BMS1: variants seen among roughly 807,000 people sequenced by gnomAD.
BMS1 encodes BMS1 ribosome biogenesis factor, also known as ribosome biogenesis protein BMS1 homolog.
A neutral mutation model predicts 138.7 loss-of-function variants in BMS1; 53 were observed. That is an observed-to-expected ratio of 0.38 (90% CI 0.31 to 0.48). The LOEUF (loss-of-function observed/expected upper bound fraction) is 0.48, where lower values mean the gene tolerates loss of function less well. BMS1 is among the 20% of genes least tolerant of loss of function. The pLI is 0.97. For missense variants in BMS1, 1,360 were observed against 1,565.5 expected (o/e 0.87, Z 2.22); for synonymous variants, 504 against 539.9 (o/e 0.93, Z 0.92).
intron 22 of BMS1, among the ~76,000 whole-genome samples, 190 bp downstream of exon 22, chr10:42,830,612 C>A (rs938257018): frequency 2.0e-5 from 3 of 151,996 alleles, no homozygotes; most frequent in African/African-American, 7.3e-5. Flanking sequence ...TGGGGGATAA[C>A]AGGTACATGG....
At chr10:42,812,010 G>C (rs1842199097) in intron 13 of BMS1, among the ~76,000 whole-genome samples, 1 of 152,132 alleles carries the variant, frequency 6.6e-6, no homozygotes, top group South Asian at 2.1e-4. Context: ...TAGATTTGCT[G>C]TGATTTCTTT....
chr10:42,786,489 G>A (rs1214883452), intron 3 of BMS1, among the ~76,000 whole-genome samples: 4 of 151,996 alleles, frequency 2.6e-5, no homozygotes, highest in African/African-American at 7.3e-5. Flanking sequence ...GTGTGATTAC[G>A]GCTCACTGCA....
At position 42,791,635 on chromosome 10, in the gene BMS1, GCTGT is replaced by G; in HGVS notation, c.646_649del (p.Leu216SerfsTer26). On this transcript the variant is annotated frameshift_variant, in exon 6 of 23. Transcript: ENST00000374518. LOFTEE classifies it high-confidence loss of function. ...TTTCCTCTAATGTTTAGGGTGCCAA[GCTGT>G]TCTACCTTTCTGGAATGGTGCATGG... The G allele has an allele frequency of 6.2e-7, 1 of 1,604,140 alleles. No individual in the cohort carries two copies.
chr10:42,783,852 A>G (rs1339498200), intron 1 of BMS1, among the ~76,000 whole-genome samples: 1 of 152,202 alleles, frequency 6.6e-6, no homozygotes, highest in Non-Finnish European at 1.5e-5. Context: ...GTTCATAAAA[A>G]CGTTTCACAT....
chr10:42,783,318 C>T (rs1047523482), intron 1 of BMS1, among the ~76,000 whole-genome samples: 2 of 152,144 alleles, frequency 1.3e-5, no homozygotes, highest in Admixed American at 1.3e-4. Context: ...ACTTTGTTTC[C>T]GCTGGTGTGT....
At chr10:42,794,026 A>T (rs376583377) in intron 9 of BMS1, 35 bp downstream of exon 9, 16 of 1,601,266 alleles carry the variant, frequency 1.0e-5, no homozygotes, top group Non-Finnish European at 1.4e-5. Context: ...TAATAAAAAG[A>T]TGTATTACAA....
chr10:42,808,436 C>G (rs1842075366), intron 13 of BMS1, among the ~76,000 whole-genome samples: 1 of 151,506 alleles, frequency 6.6e-6, no homozygotes, highest in Non-Finnish European at 1.5e-5. Context: ...GTAGCTGGGA[C>G]TACAGGCGCC....
At chr10:42,783,086 T>C (rs3758514) in intron 1 of BMS1, among the ~76,000 whole-genome samples, 71,715 of 151,818 alleles carry the variant, frequency 0.47, 17,658 homozygotes, top group East Asian at 0.64. Context: ...GTGGTCCCGG[T>C]AGGAGACTTA....
intron 11 of BMS1, 111 bp downstream of exon 11, chr10:42,797,634 A>G: frequency 6.1e-6 from 6 of 984,126 alleles, no homozygotes; most frequent in Non-Finnish European, 9.2e-6. Context: ...ATTGCTGTCC[A>G]TCACATTTCA....
intron 1 of BMS1, among the ~76,000 whole-genome samples, chr10:42,783,776 A>G (rs1255614594): frequency 6.6e-6 from 1 of 152,198 alleles, no homozygotes; most frequent in Non-Finnish European, 1.5e-5. Flanking sequence ...GTATGTAGAT[A>G]AGTTGTAATT....
chr10:42,788,116 G>C (rs780577266), intron 4 of BMS1, among the ~76,000 whole-genome samples: 3 of 152,110 alleles, frequency 2.0e-5, no homozygotes, highest in Non-Finnish European at 2.9e-5. Context: ...AAGTAATACA[G>C]ATTTTAAAGT....
intron 13 of BMS1, among the ~76,000 whole-genome samples, chr10:42,805,831 G>A (rs961311460): frequency 1.3e-5 from 2 of 151,970 alleles, no homozygotes; most frequent in East Asian, 3.9e-4. Context: ...ACAGAGTCTC[G>A]CTCTGTCACC....
At chr10:42,803,021 A>G (rs1841915498) in intron 13 of BMS1, among the ~76,000 whole-genome samples, 1 of 152,136 alleles carries the variant, frequency 6.6e-6, no homozygotes, top group Non-Finnish European at 1.5e-5. Flanking sequence ...TTGGAAGGTC[A>G]TTCTTTTTGT....
At chr10:42,805,923 G>T (rs1447267809) in intron 13 of BMS1, among the ~76,000 whole-genome samples, 2 of 151,992 alleles carry the variant, frequency 1.3e-5, no homozygotes, top group African/African-American at 2.4e-5. Context: ...CCCCAGCCTC[G>T]TGAGTAGCTG....
intron 19 of BMS1, among the ~76,000 whole-genome samples, 172 bp from the exon 20 acceptor site, chr10:42,822,946 A>G (rs1842543008): frequency 6.6e-6 from 1 of 152,182 alleles, no homozygotes; most frequent in African/African-American, 2.4e-5. Context: ...AAAGACTTGT[A>G]TTCTTTTTGA....
At position 42,830,256 on chromosome 10, in the gene BMS1, T is replaced by A; in HGVS notation, c.3457-5T>A. The A allele has an allele frequency of 1.9e-6, 3 of 1,609,772 alleles. No individual in the cohort carries two copies. The South Asian group carries it at 3.3e-5, about 18-fold the overall frequency. On this transcript the variant is annotated splice_polypyrimidine_tract_variant and splice_region_variant and intron_variant, in intron 21 of 22. Transcript: ENST00000374518. ...ATATGTCACAGTCTTTGTTTTTCTT[T>A]TCAGCCAATCCTGAGGCAAAAGAAA...
At chr10:42,824,832 G>C (rs1169991180) in intron 21 of BMS1, among the ~76,000 whole-genome samples, 1 of 152,066 alleles carries the variant, frequency 6.6e-6, no homozygotes, top group Non-Finnish European at 1.5e-5. Flanking sequence ...TCTCTGTTCT[G>C]TTCCATTGGT....
At chr10:42,815,865 C>G (rs1842332760) in intron 13 of BMS1, among the ~76,000 whole-genome samples, 1 of 152,210 alleles carries the variant, frequency 6.6e-6, no homozygotes, top group Admixed American at 6.5e-5. Context: ...TAAAATTTCC[C>G]CTAGGTGTGT....
At chr10:42,826,171 A>C (rs1842633600) in intron 21 of BMS1, among the ~76,000 whole-genome samples, 1 of 151,678 alleles carries the variant, frequency 6.6e-6, no homozygotes, top group South Asian at 2.1e-4. Flanking sequence ...TATTTGCTAA[A>C]ATTTTTTTAG....
Sources: allele counts gnomAD v4.1 joint callset (sites outside exome capture counted in the v4.1 genomes callset), GRCh38; gene constraint gnomAD v4.1.1; transcripts MANE v1.5; gene names NCBI Gene and HGNC (gene_info 2026-07-23, HGNC 2026-07-21).